RGS10: variants seen among roughly 807,000 people sequenced by gnomAD.
RGS10 encodes the protein regulator of G-protein signalling 10.
Under a neutral mutation model 23.5 loss-of-function variants are expected in RGS10, and 11 were observed. That is an observed-to-expected ratio of 0.47 (90% confidence interval 0.29 to 0.77). The LOEUF is 0.77. RGS10 is among the 30% of genes least tolerant of loss of function. The pLI is 0.08. For synonymous variants in RGS10, 77 were observed against 83.2 expected, an observed-to-expected ratio of 0.92 and a Z score of 0.41; for missense variants, 180 against 226.3, an observed-to-expected ratio of 0.80 and a Z score of 1.31.
chr10:119,536,512 C>A (rs1254384674), intron 1 of RGS10: 2 of 1,609,520 alleles, frequency 1.2e-6, no homozygotes, highest in African/African-American at 1.3e-5. Context: ...GACCAACAAT[C>A]CACTGCCTTC....
chr10:119,511,781 A>G (rs1375053180), intron 4 of RGS10, among the ~76,000 whole-genome samples: 4 of 152,078 alleles, frequency 2.6e-5, no homozygotes, highest in East Asian at 3.9e-4. Flanking sequence ...GCGTGTGGCA[A>G]TGGAGGTCCC....
At chr10:119,523,978 C>G (rs1296180224) in intron 3 of RGS10, among the ~76,000 whole-genome samples, 3 of 152,186 alleles carry the variant, frequency 2.0e-5, no homozygotes, top group African/African-American at 7.2e-5. Context: ...TTCTGGTCTT[C>G]CCTCAGCTCT....
At chr10:119,522,040 A>G (rs566669967) in intron 3 of RGS10, among the ~76,000 whole-genome samples, 6 of 152,302 alleles carry the variant, frequency 3.9e-5, no homozygotes, top group African/African-American at 1.2e-4. Flanking sequence ...GACTCAGGAG[A>G]GAAGAGGACT....
rs1349309332 is a variant in RGS10, at chr10:119,538,563, A to T, written c.49+4027T>A. Among the ~76,000 whole-genome samples the T allele has an allele frequency of 2.0e-5, 3 of 152,176 alleles. No individual in the cohort carries two copies. Among genetic ancestry groups the T allele is most frequent in the African/African-American group, 7.2e-5 (3 of 41,444 alleles). The stretch of plus-strand genomic sequence containing the variant: ...TCCAGGGGTAGAGTAGGGAGCAGGA[A>T]AAATGGGGCTGGGAAGGACTCAGTC... On this transcript the variant is annotated intron_variant, in intron 1 of 4. Transcript: ENST00000369103. The surrounding 1 kb of genome is among the most constrained non-coding windows in gnomAD (Gnocchi z 4.5).
chr10:119,533,527 G>A (rs893558895), intron 1 of RGS10, among the ~76,000 whole-genome samples: 4 of 152,094 alleles, frequency 2.6e-5, no homozygotes, highest in Admixed American at 1.3e-4. Context: ...TAAGAATAAA[G>A]CAAAACCAAG....
chr10:119,530,001 C>T (rs1051713619), intron 1 of RGS10, among the ~76,000 whole-genome samples: 56 of 151,956 alleles, frequency 3.7e-4, no homozygotes, highest in African/African-American at 1.3e-3. Context: ...CTAAGGCAGG[C>T]GAACTGCTTG....
At chr10:119,505,322 CTTTTTTTTTTT>C (rs11317053) in intron 4 of RGS10, among the ~76,000 whole-genome samples, 1 of 90,074 alleles carries the variant, frequency 1.1e-5, no homozygotes, top group Non-Finnish European at 2.1e-5. Context: ...CATTCTGCAT[CTTTTTTTTTTT>C]TTTTTTTTTT....
chr10:119,511,185 C>G (rs896606477), intron 4 of RGS10, among the ~76,000 whole-genome samples: 2 of 152,158 alleles, frequency 1.3e-5, no homozygotes, highest in South Asian at 2.1e-4. Context: ...CCCACAGCAC[C>G]ACCTTTCGCC....
intron 4 of RGS10, among the ~76,000 whole-genome samples, chr10:119,514,923 G>A (rs553236698): frequency 9.9e-5 from 15 of 152,154 alleles, no homozygotes; most frequent in African/African-American, 2.9e-4. Flanking sequence ...GCGTCCTTCC[G>A]ACTGGCTCAA....
chr10:119,521,850 T>C (rs2901213), intron 3 of RGS10, among the ~76,000 whole-genome samples: 127,263 of 152,120 alleles, frequency 0.84, 54,128 homozygotes, highest in South Asian at 0.95. Flanking sequence ...TGTCAGATTA[T>C]CAGTGAAGTA....
rs772778053 is a variant in RGS10 at position 119,531,284 on chromosome 10, G to A, written c.50-3860C>T. ...AGTTCACTGTTCCAGGAACAATCTA[G>A]GCAGCTGCAAATTTCTCTTGCCATG... is the stretch of plus-strand genomic sequence containing the variant. On this transcript the variant is annotated intron_variant, in intron 1 of 4. Transcript: ENST00000369103. Among the ~76,000 whole-genome samples the A allele has an allele frequency of 2.0e-5, 3 of 152,134 alleles. No homozygotes were observed. The South Asian group carries it at 6.2e-4, about 31-fold the overall frequency.
intron 1 of RGS10, among the ~76,000 whole-genome samples, chr10:119,537,990 G>C (rs1350298422): frequency 6.6e-6 from 1 of 152,282 alleles, no homozygotes; most frequent in East Asian, 1.9e-4. Context: ...CTGTGGATCA[G>C]GACAGCTCTT....
intron 1 of RGS10, among the ~76,000 whole-genome samples, chr10:119,529,925 C>T (rs1277616772): frequency 6.6e-6 from 1 of 152,042 alleles, no homozygotes; most frequent in Non-Finnish European, 1.5e-5. Context: ...AACCCTGTCT[C>T]TACTAAAAAT....
At chr10:119,535,565 C>T (rs1168359773) in intron 1 of RGS10, among the ~76,000 whole-genome samples, 2 of 152,192 alleles carry the variant, frequency 1.3e-5, no homozygotes, top group East Asian at 1.9e-4. Flanking sequence ...TAACACTCAT[C>T]GGAGATGAAT....
At chr10:119,525,082 T>C (rs1844258782) in intron 3 of RGS10, among the ~76,000 whole-genome samples, 1 of 152,216 alleles carries the variant, frequency 6.6e-6, no homozygotes, top group South Asian at 2.1e-4. Context: ...TTTTTTTAAT[T>C]AGTTCCAACA....
intron 1 of RGS10, 35 bp downstream of exon 1, chr10:119,542,555 C>G: frequency 7.3e-7 from 1 of 1,375,662 alleles, no homozygotes; most frequent in Non-Finnish European, 9.4e-7. Context: ...AACGGCGCCC[C>G]GACCCCGAGC....
chr10:119,533,752 T>C (rs1844356035), intron 1 of RGS10, among the ~76,000 whole-genome samples: 2 of 152,244 alleles, frequency 1.3e-5, no homozygotes, highest in Admixed American at 1.3e-4. Flanking sequence ...GTTTCAATTT[T>C]ATCATGCTGT....
chr10:119,542,613 A>G lies in RGS10; in HGVS notation c.26T>C (p.Leu9Pro). Reference sequence around the variant, plus strand: ...ACCTGACGGCGGCCGCTTCCTGCTCAGCCGGCTCACGGCGCGGTTGAACAT... The same window carrying G: ...ACCTGACGGCGGCCGCTTCCTGCTCGGCCGGCTCACGGCGCGGTTGAACAT... The part of the protein sequence containing the change: MFNRAVSR[L>P]SRKRPPSDIH... The change falls in exon 1 of 5, where the codon CTG (leucine) becomes CCG (proline). Residue 9 changes from leucine to proline, a missense_variant. By Grantham distance (98) the Leu-to-Pro change is moderately conservative (BLOSUM62 -3). Coordinates refer to ENST00000369103, the MANE Select transcript of RGS10 (RefSeq NM_001005339.2). The G allele has an allele frequency of 7.0e-7, 1 of 1,425,804 alleles. No homozygotes were observed. Among genetic ancestry groups the G allele is most frequent in the South Asian group, 1.4e-5 (1 of 71,890 alleles). The allele number at this position is 1,425,804 out of a possible 1,614,324, so 88.3% of individuals were successfully genotyped here.
chr10:119,507,685 A>C (rs1564708816), intron 4 of RGS10, among the ~76,000 whole-genome samples: 1 of 144,530 alleles, frequency 6.9e-6, no homozygotes, highest in Admixed American at 7.3e-5. Context: ...TCCAGGTTCA[A>C]TTGATTCTCC....
Sources: allele counts gnomAD v4.1 joint callset (sites outside exome capture counted in the v4.1 genomes callset), GRCh38; gene constraint gnomAD v4.1.1; non-coding constraint Gnocchi (gnomAD v3.1); transcripts MANE v1.5; gene names NCBI Gene and HGNC (gene_info 2026-07-23, HGNC 2026-07-21).